TNS3: variants seen among roughly 807,000 people sequenced by gnomAD.
TNS3 encodes tensin 3.
Under a neutral mutation model 140.9 loss-of-function variants are expected in TNS3, and 45 were observed. That is an observed-to-expected ratio of 0.32 (90% CI 0.25 to 0.41). TNS3 has a LOEUF of 0.41. Among genes scored for constraint, TNS3 ranks in the 10% least tolerant of loss-of-function variants. The pLI is 1.00. For synonymous variants in TNS3, 815 were observed against 788.4 expected, an observed-to-expected ratio of 1.03 and a Z score of -0.56; for missense variants, 1,716 against 1,906.7, an observed-to-expected ratio of 0.90 and a Z score of 1.86.
intron 28 of TNS3, among the ~76,000 whole-genome samples, chr7:47,280,867 C>T (rs1200960793): frequency 1.3e-5 from 2 of 151,826 alleles, no homozygotes; most frequent in African/African-American, 2.4e-5. Flanking sequence ...GGGCTGAGAT[C>T]GCTCCACTGC....
chr7:47,433,893 C>A (rs148950088), intron 8 of TNS3, among the ~76,000 whole-genome samples: 26,706 of 135,154 alleles, frequency 0.2, 2,845 homozygotes, highest in Non-Finnish European at 0.25. Context: ...ATCTCTCTCT[C>A]TCTCTCTCTC....
intron 3 of TNS3, 74 bp from the exon 4 acceptor site, chr7:47,481,215 T>C: frequency 8.7e-7 from 1 of 1,147,622 alleles, no homozygotes; most frequent in Non-Finnish European, 1.2e-6. Flanking sequence ...CAAGCCAGGC[T>C]CCCAAAGACT....
chr7:47,446,468 T>C (rs1416910963), intron 4 of TNS3, among the ~76,000 whole-genome samples: 2 of 152,106 alleles, frequency 1.3e-5, no homozygotes, highest in Non-Finnish European at 2.9e-5. Flanking sequence ...GCTTCTTTTG[T>C]TCTCTTGTTT....
chr7:47,331,316 G>C (rs1029643978), intron 20 of TNS3, among the ~76,000 whole-genome samples: 1 of 152,192 alleles, frequency 6.6e-6, no homozygotes, highest in African/African-American at 2.4e-5. Context: ...GAATGTACTT[G>C]TTTGTTCCTG....
At chr7:47,397,971 A>G (rs1473807413) in intron 15 of TNS3, among the ~76,000 whole-genome samples, 4 of 152,236 alleles carry the variant, frequency 2.6e-5, no homozygotes, top group Non-Finnish European at 4.4e-5. Context: ...AATAAATTCA[A>G]TTAGAAATGA....
At chr7:47,426,513 T>C (rs1053568351) in intron 9 of TNS3, among the ~76,000 whole-genome samples, 6 of 152,146 alleles carry the variant, frequency 3.9e-5, no homozygotes, top group African/African-American at 9.7e-5. Flanking sequence ...CACAGCAGCG[T>C]TAATGATAGC....
At position 47,376,463 on chromosome 7, in the gene TNS3, C is replaced by T. The variant is rs183074707; in HGVS notation, c.1025-6842G>A. On this transcript the variant is annotated intron_variant, in intron 16 of 30. Transcript: ENST00000311160. Reference sequence around the variant, plus strand: ...AGACAAGGCCACCGTGCAAGCTCCTCCCATGCGCCCAGCACACTGTTAGGC... The same window carrying T: ...AGACAAGGCCACCGTGCAAGCTCCTTCCATGCGCCCAGCACACTGTTAGGC... Among the ~76,000 whole-genome samples, 5 of 152,294 alleles carry T rather than the reference C, an allele frequency of 3.3e-5. No individual in the cohort carries two copies. The East Asian group carries it at 5.8e-4, about 18-fold the overall frequency.
At chr7:47,396,682 G>A in intron 16 of TNS3, 118 bp downstream of exon 16, 1 of 821,640 alleles carries the variant, frequency 1.2e-6, no homozygotes, top group Non-Finnish European at 2.1e-6. Context: ...CTGGACCTCT[G>A]AGAAAACAGG....
intron 1 of TNS3, among the ~76,000 whole-genome samples, chr7:47,563,961 A>T (rs1003757123): frequency 1.3e-5 from 2 of 152,118 alleles, no homozygotes; most frequent in Non-Finnish European, 2.9e-5. Context: ...TGGGAGGCCA[A>T]GATGGGCAGA....
chr7:47,322,264 C>T, intron 20 of TNS3, among the ~76,000 whole-genome samples: 1 of 150,738 alleles, frequency 6.6e-6, no homozygotes, highest in Non-Finnish European at 1.5e-5. Flanking sequence ...TGGCTCACGC[C>T]TGTAATCCCA....
chr7:47,516,068 T>A (rs1798768506), intron 2 of TNS3, among the ~76,000 whole-genome samples: 1 of 152,270 alleles, frequency 6.6e-6, no homozygotes, highest in South Asian at 2.1e-4. Context: ...ATAATCTATG[T>A]AAAGGGAATA....
chr7:47,297,320 G>A lies in TNS3; in HGVS notation c.3545-107C>T, dbSNP rs1014838004. 4 of 1,357,206 alleles carry A rather than the reference G, an allele frequency of 2.9e-6. No homozygotes were observed. The African/African-American group carries it at 5.9e-5, about 20-fold the overall frequency. 84.1% of individuals were successfully genotyped at this position (1,357,206 alleles called of 1,614,324 possible). On this transcript the variant is annotated intron_variant, in intron 23 of 30. Coordinates refer to ENST00000311160, the MANE Select transcript of TNS3 (RefSeq NM_022748.12). The stretch of plus-strand genomic sequence containing the variant: ...CTCCCCTTACTCTTTTTGCAAACTG[G>A]ATCAGTGGGGACCTGGCCGGGATCC...
intron 30 of TNS3, chr7:47,278,524 G>A (rs1015644370): frequency 1.4e-5 from 4 of 294,610 alleles, no homozygotes; most frequent in African/African-American, 8.7e-5. Context: ...CTCTATAGAT[G>A]CTTCCCCACG....
chr7:47,414,268 AGCTT>A (rs753734230), intron 11 of TNS3, among the ~76,000 whole-genome samples: 2 of 152,182 alleles, frequency 1.3e-5, no homozygotes, highest in Non-Finnish European at 1.5e-5. Context: ...ACCAACTAGC[AGCTT>A]GGCAAGGTCA....
In TNS3 at chr7:47,537,475, G is replaced by C. The variant is rs140080726; in HGVS notation, c.-264-8328C>G. ...CACAGGCTGAGCCGCCAAACACTGG[G>C]AAAGTGGGTGAGGAAACGCCTTCCA... On this transcript the variant is annotated intron_variant, in intron 1 of 30. Transcript: ENST00000311160. 2.4e-3 allele frequency among the ~76,000 whole-genome samples: 361 copies of C among 152,224 alleles called. 1 individual carries two copies. The highest frequency in any genetic ancestry group is 8.4e-3 in the African/African-American group (351 of 41,570).
Position 47,530,666 on chromosome 7 carries a change from A to G in TNS3, c.-264-1519T>C, listed in dbSNP as rs187797549. ...CGGTGAAACCCCGTGTCTACTAAAA[A>G]TACAAAAAATTAGCCGGGCATGGTG... On this transcript the variant is annotated intron_variant, in intron 1 of 30. Transcript: ENST00000311160. Among the ~76,000 whole-genome samples, 1,420 of 151,072 alleles carry G rather than the reference A, an allele frequency of 9.4e-3. 23 individuals carry two copies. The highest frequency in any genetic ancestry group is 0.033 in the African/African-American group (1,350 of 41,102).
At chr7:47,383,008 A>C (rs1791862345) in intron 16 of TNS3, among the ~76,000 whole-genome samples, 3 of 152,232 alleles carry the variant, frequency 2.0e-5, no homozygotes, top group Non-Finnish European at 4.4e-5. Context: ...AGAAAATTCC[A>C]GAATGGGAAA....
intron 20 of TNS3, among the ~76,000 whole-genome samples, chr7:47,337,340 A>G (rs976518677): frequency 6.6e-6 from 1 of 152,226 alleles, no homozygotes; most frequent in African/African-American, 2.4e-5. Context: ...TGTCTGGAAA[A>G]GAACTTAACA....
chr7:47,522,246 C>T (rs1248973244), intron 2 of TNS3, among the ~76,000 whole-genome samples: 2 of 152,228 alleles, frequency 1.3e-5, no homozygotes, highest in African/African-American at 2.4e-5. Flanking sequence ...GCAGCCTTTG[C>T]AGGCCTAGGG....
Sources: allele counts gnomAD v4.1 joint callset (sites outside exome capture counted in the v4.1 genomes callset), GRCh38; gene constraint gnomAD v4.1.1; transcripts MANE v1.5; gene names NCBI Gene and HGNC (gene_info 2026-07-23, HGNC 2026-07-21).